Variants in MSRB2 observed in about 807,000 individuals in gnomAD.
MSRB2 encodes the protein methionine-R-sulfoxide reductase B2, mitochondrial.
MSRB2 carries 17 observed loss-of-function variants against 19.0 expected under a neutral mutation model. The observed-to-expected ratio is 0.89, with a 90% confidence interval of 0.61 to 1.34. The LOEUF (loss-of-function observed/expected upper bound fraction) is 1.34, where lower values mean the gene tolerates loss of function less well. Ranked by LOEUF, MSRB2 falls within the 40% of genes most tolerant of loss-of-function variation. MSRB2 has a pLI of 0.00. For synonymous variants in MSRB2, 107 were observed against 99.7 expected, an observed-to-expected ratio of 1.07 and a Z score of -0.44; for missense variants, 208 against 237.6, an observed-to-expected ratio of 0.88 and a Z score of 0.82.
chr10:23,100,089 C>T (rs181033287), intron 1 of MSRB2, among the ~76,000 whole-genome samples: 114 of 152,306 alleles, frequency 7.5e-4, no homozygotes, highest in Non-Finnish European at 1.4e-3. Context: ...AAATTCCAAC[C>T]TTTGTACCTG....
chr10:23,095,644 C>A lies in MSRB2; in HGVS notation c.36C>A (p.Thr12=). 6.9e-7 allele frequency: 1 copy of A among 1,451,020 alleles called. No homozygotes were observed. Among genetic ancestry groups the A allele is most frequent in the Non-Finnish European group, 9.0e-7 (1 of 1,107,764 alleles). The allele number at this position is 1,451,020 out of a possible 1,614,324, so 89.9% of individuals were successfully genotyped here. A position where few individuals can be genotyped will look rare whatever the true frequency, so the allele number is the denominator to read the frequency against. Residue 12 remains threonine (T), a synonymous_variant, in exon 1 of 5, where the codon ACC becomes ACA. Transcript: ENST00000376510. Reference sequence around the variant, plus strand: ...TCCTCTGGTTGCTCCGGGGCCTGACCCTCGGAACTGCGCCTCGGCGGGCGG... The same window carrying A: ...TCCTCTGGTTGCTCCGGGGCCTGACACTCGGAACTGCGCCTCGGCGGGCGG... ...ARLLWLLRGL[T]LGTAPRRAVR...
At chr10:23,097,564 A>C (rs1423565667) in intron 1 of MSRB2, among the ~76,000 whole-genome samples, 1 of 152,216 alleles carries the variant, frequency 6.6e-6, no homozygotes, top group Admixed American at 6.5e-5. Context: ...CCACCTCCAC[A>C]TTCCATCTCA....
chr10:23,113,547 G>A (rs892050620), intron 3 of MSRB2, among the ~76,000 whole-genome samples: 1 of 152,168 alleles, frequency 6.6e-6, no homozygotes, highest in African/African-American at 2.4e-5. Flanking sequence ...CTTGGACAAG[G>A]CTCATGGAAG....
chr10:23,099,678 G>A (rs976849116), intron 1 of MSRB2, among the ~76,000 whole-genome samples: 31 of 152,280 alleles, frequency 2.0e-4, no homozygotes, highest in Non-Finnish European at 3.8e-4. Context: ...TTGATCATGC[G>A]TATGAATAGC....
At chr10:23,098,130 G>C (rs1839886930) in intron 1 of MSRB2, among the ~76,000 whole-genome samples, 10 of 152,204 alleles carry the variant, frequency 6.6e-5, no homozygotes. Context: ...AATAGTCCAG[G>C]CACTGGTGGG....
intron 1 of MSRB2, among the ~76,000 whole-genome samples, chr10:23,100,506 C>G (rs1334129295): frequency 6.6e-6 from 1 of 152,082 alleles, no homozygotes; most frequent in African/African-American, 2.4e-5. Flanking sequence ...GCTTACGGTT[C>G]CACAGGCTGT....
chr10:23,103,756 A>T (rs1195993110), intron 1 of MSRB2, among the ~76,000 whole-genome samples: 2 of 152,182 alleles, frequency 1.3e-5, no homozygotes, highest in Non-Finnish European at 2.9e-5. Context: ...TTTCTGCCCA[A>T]TGCCTCAACT....
Position 23,120,883 on chromosome 10 carries a change from C to G in MSRB2, c.*21C>G. 1 of 1,559,154 alleles carries G rather than the reference C, an allele frequency of 6.4e-7. No homozygotes were observed. The highest frequency in any genetic ancestry group is 1.1e-5 in the South Asian group (1 of 88,814). On this transcript the variant is annotated 3_prime_UTR_variant, in exon 5 of 5. Coordinates refer to ENST00000376510, the MANE Select transcript of MSRB2 (RefSeq NM_012228.4). ...ACTGACCATCTTCAAGAGTCCCGTT[C>G]CCTTGCCACCCCTTCACGTGCACCC...
rs567714461 is a variant in MSRB2 at position 23,117,689 on chromosome 10, C to G, written c.297-1615C>G. Among the ~76,000 whole-genome samples, 348 of 152,300 alleles carry G rather than the reference C, an allele frequency of 2.3e-3. 1 individual carries two copies. The highest frequency in any genetic ancestry group is 3.1e-3 in the Non-Finnish European group (213 of 68,018). On this transcript the variant is annotated intron_variant, in intron 3 of 4. Coordinates refer to ENST00000376510, the MANE Select transcript of MSRB2 (RefSeq NM_012228.4). ...CACTGCAACCACTGCTTCCTGGGGTCAAGTTATTCTCCTGCCTCAGCCTCC... is the reference window on the plus strand; with the variant it reads ...CACTGCAACCACTGCTTCCTGGGGTGAAGTTATTCTCCTGCCTCAGCCTCC...
At chr10:23,111,493 C>T (rs943864108) in intron 3 of MSRB2, among the ~76,000 whole-genome samples, 1 of 152,222 alleles carries the variant, frequency 6.6e-6, no homozygotes, top group Non-Finnish European at 1.5e-5. Context: ...ATAAATCATC[C>T]TCGCAAGAGC....
intron 2 of MSRB2, among the ~76,000 whole-genome samples, chr10:23,105,912 G>T (rs1041113372): frequency 1.3e-5 from 2 of 152,198 alleles, no homozygotes; most frequent in African/African-American, 2.4e-5. Context: ...TAAAGCCCTT[G>T]TTGGGAAAGA....
intron 3 of MSRB2, among the ~76,000 whole-genome samples, chr10:23,116,954 G>A (rs1200517798): frequency 6.6e-6 from 1 of 152,144 alleles, no homozygotes; most frequent in Non-Finnish European, 1.5e-5. Flanking sequence ...CTGGTCATTT[G>A]TTGTGTCTAA....
intron 2 of MSRB2, among the ~76,000 whole-genome samples, chr10:23,104,946 G>A (rs1197536863): frequency 6.6e-6 from 1 of 152,142 alleles, no homozygotes; most frequent in Non-Finnish European, 1.5e-5. Context: ...CCCAGCTAGG[G>A]TTGCTTCTAG....
At chr10:23,119,071 G>A (rs1840149966) in intron 3 of MSRB2, 2 of 643,330 alleles carry the variant, frequency 3.1e-6, no homozygotes. Context: ...CCAGAAAGAA[G>A]TCTTTAGCAT....
intron 1 of MSRB2, among the ~76,000 whole-genome samples, chr10:23,099,706 G>A (rs1184499149): frequency 1.3e-5 from 2 of 152,090 alleles, no homozygotes; most frequent in South Asian, 2.1e-4. Context: ...CTCCATTCTG[G>A]GCAACACAGT....
intron 3 of MSRB2, among the ~76,000 whole-genome samples, chr10:23,118,782 G>T (rs1158912416): frequency 6.6e-6 from 1 of 152,152 alleles, no homozygotes; most frequent in Non-Finnish European, 1.5e-5. Context: ...TTCAAGAGCT[G>T]TGGTTTCACA....
At chr10:23,117,684 G>A (rs1228370959) in intron 3 of MSRB2, among the ~76,000 whole-genome samples, 1 of 152,100 alleles carries the variant, frequency 6.6e-6, no homozygotes, top group African/African-American at 2.4e-5. Context: ...ACTGCTTCCT[G>A]GGGTCAAGTT....
chr10:23,119,078 G>T, intron 3 of MSRB2: 1 of 653,730 alleles, frequency 1.5e-6, no homozygotes. Flanking sequence ...GAAGTCTTTA[G>T]CATCAAAGGA....
chr10:23,120,785 C>T lies in MSRB2; in HGVS notation c.472C>T (p.Pro158Ser), dbSNP rs887223244. The T allele has an allele frequency of 6.2e-7, 1 of 1,614,116 alleles. No homozygotes were observed. Among genetic ancestry groups the T allele is most frequent in the East Asian group, 2.2e-5 (1 of 44,876 alleles). The change falls in exon 5 of 5, where the codon CCT becomes TCT. Residue 158 changes from proline (P) to serine (S), a missense_variant. Transcript: ENST00000376510. ...QCEAHLGHVF[P>S]DGPGPNGQRF... ...TGAAGCTCATCTAGGTCACGTGTTT[C>T]CTGATGGACCTGGGCCCAATGGTCA...
Sources: gnomAD v4.1 joint callset for allele counts (sites outside exome capture counted in the v4.1 genomes callset) on GRCh38, gnomAD v4.1.1 for gene constraint, MANE v1.5 for transcripts, NCBI Gene and HGNC (gene_info 2026-07-23, HGNC 2026-07-21) for gene names.